Variants in KDM5B observed in about 807,000 individuals in gnomAD.
KDM5B encodes the protein lysine demethylase 5B.
Under a neutral mutation model 193.4 loss-of-function variants are expected in KDM5B, and 144 were observed. The observed-to-expected ratio is 0.74, with a 90% CI of 0.65 to 0.86. KDM5B has a LOEUF of 0.86. KDM5B is among the 40% of genes least tolerant of loss of function. The probability of loss-of-function intolerance (pLI) is 0.00; values close to 1 mark genes in which losing one functional copy is unlikely to be tolerated. For missense variants in KDM5B, 1,833 were observed against 1,886.9 expected, an observed-to-expected ratio of 0.97 and a Z score of 0.53; for synonymous variants, 668 against 682.6, an observed-to-expected ratio of 0.98 and a Z score of 0.33.
chr1:202,748,150 TGAAGAAAAGA>T (rs1655639609), intron 14 of KDM5B, among the ~76,000 whole-genome samples: 1 of 152,182 alleles, frequency 6.6e-6, no homozygotes, highest in Non-Finnish European at 1.5e-5. Flanking sequence ...AGCAATTTAA[TGAAGAAAAGA>T]TAGTCTTTTC....
chr1:202,745,673 C>A (rs762542507), intron 16 of KDM5B, among the ~76,000 whole-genome samples, 185 bp downstream of exon 16: 1 of 152,118 alleles, frequency 6.6e-6, no homozygotes, highest in Non-Finnish European at 1.5e-5. Flanking sequence ...GATGTAAGGG[C>A]AACTGCCTTA....
intron 1 of KDM5B, among the ~76,000 whole-genome samples, chr1:202,804,435 T>C (rs1227693562): frequency 6.6e-6 from 1 of 151,964 alleles, no homozygotes; most frequent in East Asian, 1.9e-4. Flanking sequence ...AACCCCAAAT[T>C]AGGGAGAATG....
At chr1:202,734,354 A>G (rs79846094) in intron 22 of KDM5B, among the ~76,000 whole-genome samples, 2 of 20,846 alleles carry the variant, frequency 9.6e-5, no homozygotes, top group African/African-American at 1.3e-4. Flanking sequence ...GGGTATATTA[A>G]AAAAAAAAAA....
At position 202,760,546 on chromosome 1, in the gene KDM5B, C is replaced by G. The variant is rs1347183928; in HGVS notation, c.946G>C (p.Gly316Arg). The stretch of plus-strand genomic sequence containing the variant: ...AGCCGGTCTTCATCATTGCCACTGC[C>G]ACATAAAAGACAGACATACAGGTCC... ...AVDLYVCLLC[G>R]SGNDEDRLLL... Residue 316 changes from glycine (G) to arginine (R), a missense_variant, in exon 8 of 27, where the codon GGC (glycine) becomes CGC (arginine). Gly to Arg is a moderately radical substitution (Grantham distance 125). Around this residue, in one of 3 missense-constraint regions of KDM5B, gnomAD observed 99 missense variants for 162.4 expected, o/e 0.61. Transcript: ENST00000367265. 1.2e-6 allele frequency: 2 copies of G among 1,612,256 alleles called. No individual in the cohort carries two copies. Among genetic ancestry groups the G allele is most frequent in the Non-Finnish European group, 1.7e-6 (2 of 1,179,186 alleles).
chr1:202,725,907 T>C lies in KDM5B; in HGVS notation c.*3129A>G, dbSNP rs1654659802. 1 of 152,156 alleles carries C rather than the reference T, an allele frequency of 6.6e-6. No individual in the cohort carries two copies. The highest frequency in any genetic ancestry group is 2.4e-5 in the African/African-American group (1 of 41,432). 9.4% of individuals were successfully genotyped at this position (152,156 alleles called of 1,614,324 possible). On this transcript the variant is annotated 3_prime_UTR_variant, in exon 27 of 27. Transcript: ENST00000367265. ...CAGAAAAACACCCATGGGTACTAAATACCAATCAATACCTGCTCCAAGCCA... is the reference window on the plus strand; with the variant it reads ...CAGAAAAACACCCATGGGTACTAAACACCAATCAATACCTGCTCCAAGCCA...
At chr1:202,776,704 G>C (rs1656970685) in intron 2 of KDM5B, among the ~76,000 whole-genome samples, 1 of 152,076 alleles carries the variant, frequency 6.6e-6, no homozygotes, top group Non-Finnish European at 1.5e-5. Flanking sequence ...TGGAACTACA[G>C]GCACACACCA....
At chr1:202,800,009 A>G (rs1294073631) in intron 1 of KDM5B, among the ~76,000 whole-genome samples, 2 of 152,138 alleles carry the variant, frequency 1.3e-5, no homozygotes, top group Non-Finnish European at 2.9e-5. Context: ...TCAAATTCTC[A>G]TTTCCCTAAA....
intron 1 of KDM5B, among the ~76,000 whole-genome samples, chr1:202,778,499 T>C (rs1657056346): frequency 6.6e-6 from 1 of 152,178 alleles, no homozygotes. Flanking sequence ...CTGAACTGTA[T>C]CCTTAAAAAT....
chr1:202,735,327 C>T (rs2102219384), intron 22 of KDM5B, 102 bp downstream of exon 22: 2 of 1,270,104 alleles, frequency 1.6e-6, no homozygotes, highest in Middle Eastern at 5.0e-4. Flanking sequence ...TGAACGCTTT[C>T]AAGTTACTCT....
chr1:202,747,573 A>G (rs1655610616), intron 14 of KDM5B, among the ~76,000 whole-genome samples: 1 of 151,794 alleles, frequency 6.6e-6, no homozygotes, highest in African/African-American at 2.4e-5. Context: ...TATTTTTAAA[A>G]AAAAAAAAAA....
chr1:202,740,707 G>C lies in KDM5B; in HGVS notation c.3051C>G (p.Ala1017=), dbSNP rs1655301363. The change falls in exon 20 of 27, where the codon GCC becomes GCG. Residue 1017 remains alanine, a synonymous_variant. Transcript: ENST00000367265. ...CCTCTACATCCTGAAGCCAGTCTCT[G>C]GCTCTCTGCACTGAGTCTTTCAGAG... is the stretch of plus-strand genomic sequence containing the variant. The part of the protein sequence containing the change: ...GAALKDSVQR[A]RDWLQDVEGL... The C allele has an allele frequency of 1.2e-6, 2 of 1,612,518 alleles. No homozygotes were observed. Among genetic ancestry groups the C allele is most frequent in the Non-Finnish European group, 1.7e-6 (2 of 1,179,800 alleles).
chr1:202,773,900 G>C (rs1295796420), intron 3 of KDM5B, among the ~76,000 whole-genome samples: 2 of 152,074 alleles, frequency 1.3e-5, no homozygotes, highest in Admixed American at 6.6e-5. Context: ...ACCACACCCA[G>C]CTAATTTTGT....
Position 202,746,266 on chromosome 1 carries a change from AC to A in KDM5B, c.2073del (p.Gln691HisfsTer3), listed in dbSNP as rs1338659811. The A allele has an allele frequency of 6.2e-7, 1 of 1,613,438 alleles. No homozygotes were observed. Among genetic ancestry groups the A allele is most frequent in the Non-Finnish European group, 8.5e-7 (1 of 1,179,722 alleles). ...DFELLPDDERQCVKCKTTCFM... is the reference protein window; with the variant it reads ...DFELLPDDERXCVKCKTTCFM... Reference sequence around the variant, plus strand: ...AAGCATGTAGTTTTGCATTTTACACACTGACGTTCATCATCTGGCAACAGCT... The same window carrying A: ...AAGCATGTAGTTTTGCATTTTACACATGACGTTCATCATCTGGCAACAGCT... On this transcript the variant is annotated frameshift_variant, in exon 15 of 27. Transcript: ENST00000367265. LOFTEE classifies it high-confidence loss of function.
intron 14 of KDM5B, among the ~76,000 whole-genome samples, chr1:202,747,777 C>T (rs1287639072): frequency 6.6e-6 from 1 of 151,696 alleles, no homozygotes; most frequent in Non-Finnish European, 1.5e-5. Flanking sequence ...AAAAAACATG[C>T]AATATAAAAT....
intron 1 of KDM5B, among the ~76,000 whole-genome samples, chr1:202,778,386 G>A (rs1305094062): frequency 6.6e-6 from 1 of 152,012 alleles, no homozygotes; most frequent in African/African-American, 2.4e-5. Flanking sequence ...ACAGCTAAAG[G>A]TATAAAAATG....
chr1:202,756,270 AT>A, intron 10 of KDM5B, 87 bp downstream of exon 10: 1 of 1,105,474 alleles, frequency 9.0e-7, no homozygotes, highest in East Asian at 2.4e-5. Flanking sequence ...GTAATTAAGG[AT>A]TTGCTAAAAG....
intron 22 of KDM5B, among the ~76,000 whole-genome samples, chr1:202,734,414 T>C (rs1553349753): frequency 6.6e-6 from 1 of 150,818 alleles, no homozygotes. Flanking sequence ...GTGTGGGTTA[T>C]ATGATAACAA....
chr1:202,745,834 C>T, intron 16 of KDM5B, 24 bp downstream of exon 16: 1 of 1,613,450 alleles, frequency 6.2e-7, no homozygotes, highest in Non-Finnish European at 8.5e-7. Context: ...TGCCAATCAC[C>T]AAGTCACTTT....
At chr1:202,731,742 TG>T in intron 24 of KDM5B, 85 bp downstream of exon 24, 1 of 1,007,180 alleles carries the variant, frequency 9.9e-7, no homozygotes, top group Non-Finnish European at 1.6e-6. Flanking sequence ...GTCCTTTTTA[TG>T]GTACTTGATC....
Sources: gnomAD v4.1 joint callset for allele counts (sites outside exome capture counted in the v4.1 genomes callset) on GRCh38, gnomAD v4.1.1 for gene constraint, gnomAD v4.1.1 regional missense constraint, MANE v1.5 for transcripts, NCBI Gene and HGNC (gene_info 2026-07-23, HGNC 2026-07-21) for gene names.